The following LRCH2 variants were observed in gnomAD, a reference collection of about 807,000 sequenced individuals.
LRCH2 encodes the protein leucine-rich repeat and calponin homology domain-containing protein 2.
In LRCH2, 38 loss-of-function variants were observed where a neutral mutation model predicts 68.9. The ratio of observed to expected loss-of-function variants is 0.55; its 90% CI spans 0.43 to 0.72. The LOEUF is 0.72. Ranked by LOEUF, LRCH2 falls within the 30% of genes least tolerant of loss-of-function variation. The pLI is 0.00. For missense variants in LRCH2, 528 were observed against 572.9 expected (o/e 0.92, Z 0.80); for synonymous variants, 191 against 208.1 (o/e 0.92, Z 0.71).
At chrX:115,219,316 CCTGAG>C (rs782534361) in intron 1 of LRCH2, among the ~76,000 whole-genome samples, 2 of 111,749 alleles carry the variant, frequency 1.8e-5, no homozygotes, top group Non-Finnish European at 3.8e-5. Flanking sequence ...ACCATCCTTA[CCTGAG>C]CTATTTGATA....
At position 115,123,906 on chromosome X, in the gene LRCH2, A is replaced by G; in HGVS notation, c.1849+39T>C. On this transcript the variant is annotated intron_variant, in intron 17 of 20. Coordinates refer to ENST00000317135, the MANE Select transcript of LRCH2 (RefSeq NM_020871.4). ...ATTTAAGCTGGGAAACTAGTTTCAT[A>G]TATAACTAATAAATTTTATTTACAG... The G allele has an allele frequency of 4.6e-6, 4 of 875,282 alleles. No individual in the cohort carries two copies. In the South Asian group the frequency reaches 1.0e-4, roughly 22 times the overall value. The allele number at this position is 875,282 out of a possible 1,213,427, so 72.1% of individuals were successfully genotyped here. A position where few individuals can be genotyped will look rare whatever the true frequency, so the allele number is the denominator to read the frequency against.
At chrX:115,188,788 G>A (rs782304333) in intron 1 of LRCH2, among the ~76,000 whole-genome samples, 2 of 111,474 alleles carry the variant, frequency 1.8e-5, no homozygotes, top group Admixed American at 9.5e-5. Context: ...CTGAGATCAC[G>A]CCACTGCACT....
intron 14 of LRCH2, among the ~76,000 whole-genome samples, chrX:115,147,876 A>T (rs1556536911): frequency 1.8e-5 from 2 of 110,510 alleles, no homozygotes; most frequent in East Asian, 5.7e-4. Flanking sequence ...ACATAATAAG[A>T]TCTCACCTCT....
Position 115,234,037 on chromosome X carries a change from G to A in LRCH2, c.5C>T (p.Ala2Val). 1 of 1,164,368 alleles carries A rather than the reference G, an allele frequency of 8.6e-7. No homozygotes were observed. The highest frequency in any genetic ancestry group is 3.3e-5 in the East Asian group (1 of 30,602). ...GTTACCGCCTCCTCCCTGACTCGCC[G>A]CCATGTTCCTGGGAGAGAGAATAGC... is the stretch of plus-strand genomic sequence containing the variant. MAASQGGGGNSG... is the reference protein window; with the variant it reads MVASQGGGGNSG... The change falls in exon 1 of 21, where the codon GCG (alanine) becomes GTG (valine). Residue 2 changes from alanine to valine, a missense_variant. Ala to Val is a moderately conservative substitution (Grantham distance 64). Transcript: ENST00000317135.
intron 1 of LRCH2, among the ~76,000 whole-genome samples, chrX:115,197,849 A>T (rs5987861): frequency 0.23 from 4,017 of 17,343 alleles, 88 homozygotes; most frequent in East Asian, 0.29. Flanking sequence ...TCTCTCTCTC[A>T]CACACACACA....
At chrX:115,141,170 G>A (rs2072335252) in intron 14 of LRCH2, among the ~76,000 whole-genome samples, 1 of 107,524 alleles carries the variant, frequency 9.3e-6, no homozygotes, top group Non-Finnish European at 1.9e-5. Flanking sequence ...CCTTGGGGAT[G>A]GAGCTTGCAG....
chrX:115,226,950 T>G (rs930561206), intron 1 of LRCH2, among the ~76,000 whole-genome samples: 1 of 111,390 alleles, frequency 9.0e-6, no homozygotes, highest in Admixed American at 9.6e-5. Flanking sequence ...TCTTTGAACC[T>G]ATGCTGCACT....
chrX:115,183,582 C>T (rs1301920894), intron 3 of LRCH2, among the ~76,000 whole-genome samples: 1 of 110,494 alleles, frequency 9.1e-6, no homozygotes. Flanking sequence ...GTAATCCCAA[C>T]GACTTGGGAG....
intron 7 of LRCH2, 99 bp downstream of exon 7, chrX:115,166,156 A>G (rs2072558125): frequency 1.4e-6 from 1 of 694,673 alleles, no homozygotes; most frequent in Non-Finnish European, 2.1e-6. Context: ...TAATGATCAT[A>G]TTTTCAAGCA....
chrX:115,190,253 A>G (rs2072779167), intron 1 of LRCH2: 1 of 1,157,062 alleles, frequency 8.6e-7, no homozygotes, highest in African/African-American at 1.8e-5. Flanking sequence ...AGTGTCCCGG[A>G]CTACCGTCCC....
intron 14 of LRCH2, among the ~76,000 whole-genome samples, chrX:115,143,809 T>C (rs1384806896): frequency 1.6e-4 from 18 of 112,127 alleles, no homozygotes; most frequent in African/African-American, 5.5e-4. Flanking sequence ...ATTCCAGGGA[T>C]GCAAGCATGG....
chrX:115,219,639 G>A (rs142636114), intron 1 of LRCH2, among the ~76,000 whole-genome samples: 9 of 111,747 alleles, frequency 8.1e-5, no homozygotes, highest in African/African-American at 2.6e-4. Flanking sequence ...CACACACAGT[G>A]GGTTGCTCTG....
rs1556561418 is a variant in LRCH2 at position 115,192,482 on chromosome X, G to A, written c.350-4112C>T. 19 of 1,171,121 alleles carry A rather than the reference G, an allele frequency of 1.6e-5. 1 individual carries two copies. The highest frequency in any genetic ancestry group is 2.2e-5 in the Non-Finnish European group (19 of 875,021). Reference sequence around the variant, plus strand: ...GGCCGGAGCGACCGCTACTCGAGGGGTCGAGACCGGGTAGGCAGACCGGAT... The same window carrying A: ...GGCCGGAGCGACCGCTACTCGAGGGATCGAGACCGGGTAGGCAGACCGGAT... On this transcript the variant is annotated intron_variant, in intron 1 of 20. Coordinates refer to ENST00000317135, the MANE Select transcript of LRCH2 (RefSeq NM_020871.4).
chrX:115,229,427 G>T (rs1259632211), intron 1 of LRCH2, among the ~76,000 whole-genome samples: 1 of 111,238 alleles, frequency 9.0e-6, no homozygotes, highest in Non-Finnish European at 1.9e-5. Flanking sequence ...GATACAATAG[G>T]ATAATATATA....
chrX:115,233,474 T>C lies in LRCH2; in HGVS notation c.349+219A>G, dbSNP rs957528067. On this transcript the variant is annotated intron_variant, in intron 1 of 20. Transcript: ENST00000317135. Reference sequence around the variant, plus strand: ...CAATGATGCTCTTTCACCCCTAACATCCTACCAGTTTCTATACATCCTTCA... The same window carrying C: ...CAATGATGCTCTTTCACCCCTAACACCCTACCAGTTTCTATACATCCTTCA... Among the ~76,000 whole-genome samples, 4 of 111,631 alleles carry C rather than the reference T, an allele frequency of 3.6e-5. No homozygotes were observed. In the South Asian group the frequency reaches 1.5e-3, roughly 42 times the overall value.
intron 1 of LRCH2, among the ~76,000 whole-genome samples, chrX:115,224,677 C>T (rs1350273719): frequency 1.0e-5 from 1 of 95,317 alleles, no homozygotes; most frequent in African/African-American, 4.1e-5. Flanking sequence ...CAGCGAGACT[C>T]TGTCAAAAAA....
chrX:115,152,214 T>C lies in LRCH2; in HGVS notation c.1530-2144A>G, dbSNP rs898077288. Reference sequence around the variant, plus strand: ...CTCATTAAGGGGACAAATTTATTCCTAGACTAAATGCTGCACTGGTCCCAC... The same window carrying C: ...CTCATTAAGGGGACAAATTTATTCCCAGACTAAATGCTGCACTGGTCCCAC... On this transcript the variant is annotated intron_variant, in intron 12 of 20. Transcript: ENST00000317135. Among the ~76,000 whole-genome samples, 119 of 111,567 alleles carry C rather than the reference T, an allele frequency of 1.1e-3. 1 individual carries two copies. Among genetic ancestry groups the C allele is most frequent in the African/African-American group, 3.6e-3 (111 of 30,758 alleles).
chrX:115,211,290 C>G (rs1187706974), intron 1 of LRCH2, among the ~76,000 whole-genome samples: 1 of 111,326 alleles, frequency 9.0e-6, no homozygotes, highest in African/African-American at 3.3e-5. Context: ...CCGTGCTGTT[C>G]TCATGATAGT....
At chrX:115,198,027 CT>C (rs2072903396) in intron 1 of LRCH2, among the ~76,000 whole-genome samples, 1 of 32,853 alleles carries the variant, frequency 3.0e-5, no homozygotes, top group South Asian at 2.4e-3. Flanking sequence ...ATGAACAAAG[CT>C]TTTTCTTTTT....
Sources: gnomAD v4.1 joint callset for allele counts (sites outside exome capture counted in the v4.1 genomes callset) on GRCh38, gnomAD v4.1.1 for gene constraint, MANE v1.5 for transcripts, NCBI Gene and HGNC (gene_info 2026-07-23, HGNC 2026-07-21) for gene names.